ALDH1L1: variants seen among roughly 807,000 people sequenced by gnomAD.
The protein encoded by ALDH1L1 is cytosolic 10-formyltetrahydrofolate dehydrogenase.
In ALDH1L1, 68 loss-of-function variants were observed where a neutral mutation model predicts 101.1. That is an observed-to-expected ratio of 0.67 (90% CI 0.55 to 0.82). The LOEUF (loss-of-function observed/expected upper bound fraction) is 0.82, where lower values mean the gene tolerates loss of function less well. Among genes scored for constraint, ALDH1L1 ranks in the 40% least tolerant of loss-of-function variants. The pLI is 0.00. For synonymous variants in ALDH1L1, 486 were observed against 470.8 expected (o/e 1.03, Z -0.42); for missense variants, 1,087 against 1,172.7 (o/e 0.93, Z 1.07).
At chr3:126,127,595 C>T (rs114700000) in intron 14 of ALDH1L1, among the ~76,000 whole-genome samples, 6,811 of 152,234 alleles carry the variant, frequency 0.045, 498 homozygotes, top group African/African-American at 0.15. Context: ...CTAGGGAGCT[C>T]GAGTGGCTGT....
chr3:126,142,564 T>C (rs1363765388), intron 9 of ALDH1L1, among the ~76,000 whole-genome samples: 2 of 152,174 alleles, frequency 1.3e-5, no homozygotes, highest in East Asian at 3.8e-4. Context: ...CAGTGTAACA[T>C]ACCACATTAA....
chr3:126,112,987 T>G, intron 18 of ALDH1L1, 107 bp from the exon 19 acceptor site: 1 of 934,876 alleles, frequency 1.1e-6, no homozygotes, highest in East Asian at 2.6e-5. Flanking sequence ...GAGGCACCCA[T>G]GTGTCCTGAT....
chr3:126,130,203 C>T lies in ALDH1L1; in HGVS notation c.1694+20G>A, dbSNP rs763479330. ...TGGAAAGCACCGCGAGGCTGCACCT[C>T]GCCCTGGGCAGGAACTCACCCAACA... On this transcript the variant is annotated intron_variant, in intron 14 of 22. Transcript: ENST00000393434. 17 of 1,594,418 alleles carry T rather than the reference C, an allele frequency of 1.1e-5. No individual in the cohort carries two copies. The highest frequency in any genetic ancestry group is 9.2e-5 in the South Asian group (8 of 87,330).
intron 2 of ALDH1L1, among the ~76,000 whole-genome samples, chr3:126,159,165 T>C (rs2080985848): frequency 6.6e-6 from 1 of 151,976 alleles, no homozygotes; most frequent in South Asian, 2.1e-4. Context: ...CTCAGAGCAA[T>C]GGCTAAATCA....
At chr3:126,144,463 A>G (rs1289985769) in intron 9 of ALDH1L1, among the ~76,000 whole-genome samples, 1 of 152,252 alleles carries the variant, frequency 6.6e-6, no homozygotes, top group Non-Finnish European at 1.5e-5. Context: ...AATTTACTAC[A>G]AAACTACAAT....
intron 1 of ALDH1L1, among the ~76,000 whole-genome samples, chr3:126,192,968 C>A (rs1460720093): frequency 6.6e-6 from 1 of 152,172 alleles, no homozygotes; most frequent in Admixed American, 6.5e-5. Flanking sequence ...AACAGCTGAA[C>A]TGGCTACAGG....
chr3:126,124,413 T>C lies in ALDH1L1; in HGVS notation c.1839A>G (p.Thr613=). 2.5e-6 allele frequency: 4 copies of C among 1,612,588 alleles called. No homozygotes were observed. Among genetic ancestry groups the C allele is most frequent in the Non-Finnish European group, 3.4e-6 (4 of 1,179,374 alleles). Reference sequence around the variant, plus strand: ...CACCTTTGGGAATGCCGGCCTTTAATGTCAGCTCTGCAAACTTCAAGGCTG... The same window carrying C: ...CACCTTTGGGAATGCCGGCCTTTAACGTCAGCTCTGCAAACTTCAAGGCTG... ...PLTALKFAEL[T]LKAGIPKGVV... Residue 613 remains threonine, a synonymous_variant, in exon 16 of 23, where the codon ACA becomes ACG. Transcript: ENST00000393434.
intron 14 of ALDH1L1, among the ~76,000 whole-genome samples, chr3:126,127,871 G>C (rs1474868159): frequency 6.6e-6 from 1 of 152,260 alleles, no homozygotes; most frequent in Non-Finnish European, 1.5e-5. Flanking sequence ...GCACAGGGCA[G>C]CATCAGTCTG....
chr3:126,130,106 T>C (rs2080270397), intron 14 of ALDH1L1, 117 bp downstream of exon 14: 6 of 922,692 alleles, frequency 6.5e-6, no homozygotes, highest in Non-Finnish European at 7.5e-6. Flanking sequence ...AGCACATGGA[T>C]GGCTGTTTGA....
intron 1 of ALDH1L1, among the ~76,000 whole-genome samples, chr3:126,172,237 T>C (rs1050097357): frequency 6.6e-6 from 1 of 152,118 alleles, no homozygotes; most frequent in African/African-American, 2.4e-5. Flanking sequence ...AACAAGCACC[T>C]AAACCACAAT....
intron 1 of ALDH1L1, among the ~76,000 whole-genome samples, chr3:126,170,850 A>T (rs758951768): frequency 6.6e-6 from 1 of 152,198 alleles, no homozygotes; most frequent in Non-Finnish European, 1.5e-5. Flanking sequence ...AACACGGATA[A>T]GACAGCTGGG....
intron 8 of ALDH1L1, among the ~76,000 whole-genome samples, chr3:126,148,358 G>C (rs1273115087): frequency 1.3e-5 from 2 of 152,202 alleles, no homozygotes; most frequent in Non-Finnish European, 2.9e-5. Flanking sequence ...GAAGGCATAG[G>C]GGGTTGTGGC....
At chr3:126,174,108 G>A (rs758280942) in intron 1 of ALDH1L1, among the ~76,000 whole-genome samples, 1 of 152,080 alleles carries the variant, frequency 6.6e-6, no homozygotes, top group Non-Finnish European at 1.5e-5. Context: ...GCACGATCTC[G>A]GCTCACTGCA....
chr3:126,178,210 T>G (rs9867101), intron 1 of ALDH1L1, among the ~76,000 whole-genome samples: 38,609 of 150,964 alleles, frequency 0.26, 5,894 homozygotes, highest in African/African-American at 0.44. Context: ...GTGAGACCCA[T>G]CTCTACAAAA....
At chr3:126,156,962 A>G (rs887316575) in intron 4 of ALDH1L1, among the ~76,000 whole-genome samples, 5 of 152,246 alleles carry the variant, frequency 3.3e-5, no homozygotes, top group African/African-American at 7.2e-5. Context: ...CAAATCACAC[A>G]GAGAAAAGGA....
intron 19 of ALDH1L1, among the ~76,000 whole-genome samples, chr3:126,111,676 GGCCCCTCCC>G (rs1946081919): frequency 6.6e-6 from 1 of 152,110 alleles, no homozygotes; most frequent in Non-Finnish European, 1.5e-5. Flanking sequence ...CTCCTCCAGG[GGCCCCTCCC>G]TCACCCCTCT....
intron 1 of ALDH1L1, among the ~76,000 whole-genome samples, chr3:126,165,263 G>T (rs1167448033): frequency 6.6e-6 from 1 of 152,172 alleles, no homozygotes; most frequent in Non-Finnish European, 1.5e-5. Context: ...TGCATCCCAA[G>T]AATAAAGCCC....
At chr3:126,153,674 G>C (rs1227212646) in intron 6 of ALDH1L1, 93 bp from the exon 7 acceptor site, 4 of 1,483,742 alleles carry the variant, frequency 2.7e-6, no homozygotes, top group Non-Finnish European at 3.6e-6. Flanking sequence ...GGGAGAGGGA[G>C]AGGGGCCAGG....
At chr3:126,136,511 C>G (rs2080448739) in intron 11 of ALDH1L1, among the ~76,000 whole-genome samples, 1 of 152,110 alleles carries the variant, frequency 6.6e-6, no homozygotes, top group Non-Finnish European at 1.5e-5. Context: ...AGGAGGAACT[C>G]TGTTCCCAGT....
Sources: allele counts gnomAD v4.1 joint callset (sites outside exome capture counted in the v4.1 genomes callset), GRCh38; gene constraint gnomAD v4.1.1; transcripts MANE v1.5; gene names NCBI Gene and HGNC (gene_info 2026-07-23, HGNC 2026-07-21).